Variants in OLA1 observed in about 807,000 individuals in gnomAD.
OLA1 encodes the protein Obg like ATPase 1.
OLA1 carries 14 observed loss-of-function variants against 48.4 expected under a neutral mutation model. The ratio of observed to expected loss-of-function variants is 0.29; its 90% CI spans 0.19 to 0.45. The LOEUF is 0.45. Ranked by LOEUF, OLA1 falls within the 20% of genes least tolerant of loss-of-function variation. The pLI is 1.00. For missense variants in OLA1, 325 were observed against 467.1 expected (o/e 0.70, Z 2.80); for synonymous variants, 127 against 150.4 (o/e 0.84, Z 1.14).
intron 4 of OLA1, among the ~76,000 whole-genome samples, chr2:174,181,597 T>C (rs1488442142): frequency 6.6e-6 from 1 of 152,108 alleles, no homozygotes; most frequent in Non-Finnish European, 1.5e-5. Context: ...TCACTTGTTA[T>C]GATCAGAGGG....
chr2:174,168,955 C>T (rs913803472), intron 4 of OLA1, among the ~76,000 whole-genome samples: 14 of 151,284 alleles, frequency 9.3e-5, no homozygotes, highest in Admixed American at 9.3e-4. Flanking sequence ...GTTCAACATG[C>T]ATATAATTTT....
chr2:174,248,180 C>A, intron 1 of OLA1: 1 of 162,174 alleles, frequency 6.2e-6, no homozygotes, highest in Admixed American at 6.0e-5. Context: ...AAGTGGGCCC[C>A]ACCCCCCATC....
At chr2:174,161,801 A>G (rs1310714577) in intron 4 of OLA1, among the ~76,000 whole-genome samples, 1 of 152,082 alleles carries the variant, frequency 6.6e-6, no homozygotes, top group Non-Finnish European at 1.5e-5. Flanking sequence ...AATGTACTAG[A>G]CCACATCTAG....
intron 7 of OLA1, among the ~76,000 whole-genome samples, chr2:174,111,570 G>A (rs969265709): frequency 2.6e-5 from 4 of 152,062 alleles, no homozygotes; most frequent in Admixed American, 1.3e-4. Flanking sequence ...AGTTTTGCCC[G>A]ACCTGGATGT....
chr2:174,140,177 C>A (rs1302013060), intron 5 of OLA1, among the ~76,000 whole-genome samples: 2 of 152,018 alleles, frequency 1.3e-5, no homozygotes, highest in Admixed American at 1.3e-4. Context: ...TAGGTAAATA[C>A]CTGGTAAACA....
chr2:174,150,550 T>C (rs1213320925), intron 4 of OLA1, among the ~76,000 whole-genome samples: 1 of 152,232 alleles, frequency 6.6e-6, no homozygotes, highest in Non-Finnish European at 1.5e-5. Context: ...AAAATAGACC[T>C]ATCTGACTTA....
At chr2:174,171,303 C>T (rs1214652021) in intron 4 of OLA1, among the ~76,000 whole-genome samples, 8 of 152,132 alleles carry the variant, frequency 5.3e-5, no homozygotes, top group Non-Finnish European at 8.8e-5. Flanking sequence ...TAGAACATTA[C>T]ATTCAATAAT....
chr2:174,247,140 C>T (rs1037506308), intron 1 of OLA1: 1 of 178,582 alleles, frequency 5.6e-6, no homozygotes, highest in Admixed American at 5.9e-5. Flanking sequence ...GGTGGGCAGA[C>T]TGCTTGAGAC....
intron 4 of OLA1, among the ~76,000 whole-genome samples, chr2:174,142,259 T>C (rs1232499447): frequency 6.6e-6 from 1 of 152,170 alleles, no homozygotes; most frequent in African/African-American, 2.4e-5. Flanking sequence ...AACAAAATTA[T>C]GTTCTAGAAC....
At chr2:174,246,692 C>A in intron 2 of OLA1, 23 bp downstream of exon 2, 1 of 1,449,086 alleles carries the variant, frequency 6.9e-7, no homozygotes, top group Non-Finnish European at 9.6e-7. Context: ...ATGAAAATCA[C>A]AAAAGCCCCA....
intron 7 of OLA1, among the ~76,000 whole-genome samples, chr2:174,089,856 C>T (rs568484377): frequency 2.8e-5 from 4 of 145,032 alleles, no homozygotes; most frequent in South Asian, 4.4e-4. Flanking sequence ...GAGTCGAGAT[C>T]ATGCTACCGC....
intron 4 of OLA1, among the ~76,000 whole-genome samples, chr2:174,194,156 C>T (rs1001353818): frequency 6.6e-6 from 1 of 152,166 alleles, no homozygotes; most frequent in African/African-American, 2.4e-5. Context: ...CGTGTCACCG[C>T]TGTTCTCGTC....
At chr2:174,097,147 C>G (rs1685275857) in intron 7 of OLA1, among the ~76,000 whole-genome samples, 1 of 152,150 alleles carries the variant, frequency 6.6e-6, no homozygotes, top group African/African-American at 2.4e-5. Flanking sequence ...AAGAGCAAAA[C>G]TCCGTCTCAA....
At chr2:174,137,051 AC>A (rs1456183740) in intron 5 of OLA1, among the ~76,000 whole-genome samples, 2 of 152,198 alleles carry the variant, frequency 1.3e-5, no homozygotes, top group Non-Finnish European at 2.9e-5. Context: ...CAGATAAATC[AC>A]TACCTATGAT....
intron 4 of OLA1, among the ~76,000 whole-genome samples, chr2:174,217,451 T>G (rs998885770): frequency 1.5e-5 from 2 of 133,710 alleles, no homozygotes; most frequent in African/African-American, 3.2e-5. Flanking sequence ...ACGCTTACAG[T>G]GCTGAAACAG....
At chr2:174,217,564 A>G (rs1688390647) in intron 4 of OLA1, among the ~76,000 whole-genome samples, 1 of 152,190 alleles carries the variant, frequency 6.6e-6, no homozygotes, top group African/African-American at 2.4e-5. Flanking sequence ...AAATGTGCAA[A>G]AAGTGTACAG....
chr2:174,115,145 A>G (rs182561285), intron 7 of OLA1, among the ~76,000 whole-genome samples: 5 of 152,338 alleles, frequency 3.3e-5, no homozygotes, highest in African/African-American at 1.2e-4. Flanking sequence ...TTCAAGGCCA[A>G]TGTAATAGTG....
chr2:174,137,816 C>T (rs1046443169), intron 5 of OLA1, among the ~76,000 whole-genome samples: 5 of 152,174 alleles, frequency 3.3e-5, no homozygotes, highest in African/African-American at 7.2e-5. Flanking sequence ...AATAGTCCTT[C>T]GCTTAAGGGA....
intron 6 of OLA1, 97 bp from the exon 7 acceptor site, chr2:174,123,374 T>A: frequency 1.6e-6 from 1 of 629,988 alleles, no homozygotes; most frequent in Non-Finnish European, 2.6e-6. Flanking sequence ...TTAAAACAAG[T>A]AGGCATTTTC....
Sources: gnomAD v4.1 joint callset for allele counts (sites outside exome capture counted in the v4.1 genomes callset) on GRCh38, gnomAD v4.1.1 for gene constraint, MANE v1.5 for transcripts, NCBI Gene and HGNC (gene_info 2026-07-23, HGNC 2026-07-21) for gene names.